Variants in CFAP57 observed in about 807,000 individuals in gnomAD.
The protein encoded by CFAP57 is cilia and flagella associated protein 57, also known as cilia- and flagella-associated protein 57.
A neutral mutation model predicts 146.8 loss-of-function variants in CFAP57; 116 were observed. The observed-to-expected ratio is 0.79, with a 90% CI of 0.68 to 0.92. The LOEUF is 0.92. CFAP57 is among the 40% of genes least tolerant of loss of function. The pLI is 0.00. For synonymous variants in CFAP57, 518 were observed against 552.8 expected (o/e 0.94, Z 0.88); for missense variants, 1,377 against 1,527.2 (o/e 0.90, Z 1.64).
rs1232240669 is a variant in CFAP57 at position 43,254,175 on chromosome 1, AG to A, written c.3739del (p.Val1247Ter). ...PSLSNSEVDL[E>X]VKTN Reference sequence around the variant, plus strand: ...CTCTCCAACTCCGAGGTAGACTTAGAGGTGAAGACCAACTGACCCCCTCTGG... The same window carrying A: ...CTCTCCAACTCCGAGGTAGACTTAGAGTGAAGACCAACTGACCCCCTCTGG... On this transcript the variant is annotated frameshift_variant, in exon 23 of 23. Transcript: ENST00000372492. LOFTEE classifies it high-confidence loss of function. The A allele has an allele frequency of 1.2e-5, 18 of 1,548,660 alleles. No homozygotes were observed. The African/African-American group carries it at 1.9e-4, about 17-fold the overall frequency.
chr1:43,181,245 T>A (rs924078194), intron 2 of CFAP57, among the ~76,000 whole-genome samples: 10 of 152,142 alleles, frequency 6.6e-5, no homozygotes, highest in African/African-American at 2.4e-4. Flanking sequence ...CTAATTTTTT[T>A]ATTTTTAGTA....
rs1349844076 is a variant in CFAP57, at chr1:43,197,438, A to G, written c.1123-115A>G. The G allele has an allele frequency of 2.4e-5, 30 of 1,274,324 alleles. 1 individual carries two copies. In the South Asian group the frequency reaches 3.6e-4, roughly 15 times the overall value. The allele number at this position is 1,274,324 out of a possible 1,614,324, so 78.9% of individuals were successfully genotyped here. On this transcript the variant is annotated intron_variant, in intron 6 of 22. Coordinates refer to ENST00000372492, the MANE Select transcript of CFAP57 (RefSeq NM_001378189.1). ...CATAATATTCAAACAGTTTAGCCAC[A>G]GCCTGATTTCTGTGCACCCAGGCTA...
At chr1:43,187,791 G>A (rs1237551329) in intron 6 of CFAP57, among the ~76,000 whole-genome samples, 1 of 151,954 alleles carries the variant, frequency 6.6e-6, no homozygotes, top group East Asian at 1.9e-4. Context: ...TGGCTTCTTT[G>A]ACTTAGCATA....
chr1:43,235,182 A>G (rs1002542516), intron 21 of CFAP57, among the ~76,000 whole-genome samples: 1 of 152,006 alleles, frequency 6.6e-6, no homozygotes, highest in Non-Finnish European at 1.5e-5. Flanking sequence ...CAAGTTAGCC[A>G]CAACGTCCCA....
chr1:43,234,390 A>G lies in CFAP57; in HGVS notation c.3238A>G (p.Lys1080Glu). ...LKEKVRGLFE[K>E]YVQRADMVEI... ...GGAGAAGGTTCGAGGTCTCTTTGAG[A>G]AGTACGTGCAGCGAGCAGACATGGT... The change falls in exon 20 of 23, where the codon AAG becomes GAG. Residue 1080 changes from lysine to glutamate, a missense_variant. Lys to Glu is a moderately conservative substitution (Grantham distance 56). Transcript: ENST00000372492. 1 of 1,550,014 alleles carries G rather than the reference A, an allele frequency of 6.5e-7. No homozygotes were observed. Among genetic ancestry groups the G allele is most frequent in the Non-Finnish European group, 8.7e-7 (1 of 1,146,696 alleles).
chr1:43,181,433 C>T (rs1645402947), intron 2 of CFAP57, 101 bp from the exon 3 acceptor site: 3 of 1,382,990 alleles, frequency 2.2e-6, no homozygotes, highest in Middle Eastern at 1.8e-4. Flanking sequence ...TCTTTGTGTC[C>T]ACCACTGTCC....
At chr1:43,197,786 A>C in intron 7 of CFAP57, 94 bp downstream of exon 7, 1 of 1,528,806 alleles carries the variant, frequency 6.5e-7, no homozygotes, top group Non-Finnish European at 9.0e-7. Context: ...AACTTTAATT[A>C]TTTAGAAGCT....
At chr1:43,200,150 T>C (rs1442543107) in intron 9 of CFAP57, among the ~76,000 whole-genome samples, 1 of 151,996 alleles carries the variant, frequency 6.6e-6, no homozygotes, top group Non-Finnish European at 1.5e-5. Flanking sequence ...CCATAGATAA[T>C]AGTGGTGGTG....
rs112358318 is a variant in CFAP57, at chr1:43,228,303, G to T, written c.3009+1177G>T. On this transcript the variant is annotated intron_variant, in intron 18 of 22. Coordinates refer to ENST00000372492, the MANE Select transcript of CFAP57 (RefSeq NM_001378189.1). ...CAGTGCTGCTGCCTCTGCCTGGAAG[G>T]CTCTTCCCCCAGATCGCCACATGGC... Among the ~76,000 whole-genome samples, 72 of 152,342 alleles carry T rather than the reference G, an allele frequency of 4.7e-4. 1 individual carries two copies. The highest frequency in any genetic ancestry group is 1.3e-3 in the African/African-American group (54 of 41,578).
intron 6 of CFAP57, among the ~76,000 whole-genome samples, chr1:43,188,729 T>C (rs1320874899): frequency 6.8e-6 from 1 of 146,418 alleles, no homozygotes; most frequent in Non-Finnish European, 1.5e-5. Context: ...CTTTTCACTT[T>C]TTTGATGTTG....
intron 21 of CFAP57, among the ~76,000 whole-genome samples, chr1:43,240,693 T>C (rs972630832): frequency 1.3e-5 from 2 of 152,174 alleles, no homozygotes; most frequent in African/African-American, 4.8e-5. Context: ...GGGTAATTTA[T>C]AAAGAAGAGA....
chr1:43,253,520 A>G (rs990522822), intron 22 of CFAP57, among the ~76,000 whole-genome samples: 1 of 152,168 alleles, frequency 6.6e-6, no homozygotes, highest in African/African-American at 2.4e-5. Flanking sequence ...CTCAGGGGAG[A>G]AAGTTCTCAA....
At position 43,238,157 on chromosome 1, in the gene CFAP57, G is replaced by A. The variant is rs1570313831; in HGVS notation, c.3405+3519G>A. Among the ~76,000 whole-genome samples the A allele has an allele frequency of 1.3e-5, 2 of 152,332 alleles. No homozygotes were observed. The highest frequency in any genetic ancestry group is 2.1e-4 in the South Asian group (1 of 4,824). On this transcript the variant is annotated intron_variant, in intron 21 of 22. Coordinates refer to ENST00000372492, the MANE Select transcript of CFAP57 (RefSeq NM_001378189.1). The surrounding 1 kb of genome is among the most constrained non-coding windows in gnomAD (Gnocchi z 4.3). ...CAGATGGTGAGCCCACTGACTGTGG[G>A]TTCCAGAAAGATGTCACTGATGCAA...
Position 43,201,426 on chromosome 1 carries a change from A to G in CFAP57, c.1542+1923A>G, listed in dbSNP as rs570043122. The stretch of plus-strand genomic sequence containing the variant: ...AACTGACCGTTGACTTTAGCAAATA[A>G]CAGATCATTGGAAGGAAAAGTAAAA... On this transcript the variant is annotated intron_variant, in intron 9 of 22. Transcript: ENST00000372492. The surrounding 1 kb of genome is among the most constrained non-coding windows in gnomAD (Gnocchi z 4.4). Among the ~76,000 whole-genome samples the G allele has an allele frequency of 1.3e-5, 2 of 152,346 alleles. No homozygotes were observed. Among genetic ancestry groups the G allele is most frequent in the African/African-American group, 4.8e-5 (2 of 41,578 alleles).
intron 6 of CFAP57, among the ~76,000 whole-genome samples, chr1:43,187,769 G>T (rs569987567): frequency 1.3e-5 from 2 of 152,214 alleles, no homozygotes; most frequent in African/African-American, 4.8e-5. Context: ...AAAACGTGTG[G>T]ACTTTTATGA....
chr1:43,176,866 G>C (rs564358066), intron 2 of CFAP57, among the ~76,000 whole-genome samples: 6 of 152,304 alleles, frequency 3.9e-5, no homozygotes, highest in African/African-American at 1.4e-4. Flanking sequence ...GCTGATGTGG[G>C]AGGGCAGGGG....
At chr1:43,174,617 A>T (rs1217207807) in intron 2 of CFAP57, among the ~76,000 whole-genome samples, 1 of 152,194 alleles carries the variant, frequency 6.6e-6, no homozygotes, top group Non-Finnish European at 1.5e-5. Context: ...AGAGATCAAG[A>T]CCATCCTCGC....
chr1:43,185,081 C>T, intron 4 of CFAP57, 68 bp from the exon 5 acceptor site: 2 of 1,550,874 alleles, frequency 1.3e-6, no homozygotes, highest in South Asian at 1.1e-5. Flanking sequence ...CTTCTTTCTC[C>T]TCCCCAGCAG....
Position 43,253,966 on chromosome 1 carries a change from G to T in CFAP57, c.3539-11G>T, listed in dbSNP as rs754773843. 16 of 1,550,264 alleles carry T rather than the reference G, an allele frequency of 1.0e-5. No individual in the cohort carries two copies. In the South Asian group the frequency reaches 1.9e-4, roughly 18 times the overall value. On this transcript the variant is annotated splice_polypyrimidine_tract_variant and intron_variant, in intron 22 of 22. Transcript: ENST00000372492. ...TGGACAGGCCCACATGAGTCCTGTT[G>T]TCTCTTACAGAACCCAGCAGGGACA... is the stretch of plus-strand genomic sequence containing the variant.
Sources: allele counts gnomAD v4.1 joint callset (sites outside exome capture counted in the v4.1 genomes callset), GRCh38; gene constraint gnomAD v4.1.1; non-coding constraint Gnocchi (gnomAD v3.1); transcripts MANE v1.5; gene names NCBI Gene and HGNC (gene_info 2026-07-23, HGNC 2026-07-21).